Variants in KLHL32 observed in about 807,000 individuals in gnomAD.
The protein encoded by KLHL32 is kelch-like protein 32.
In KLHL32, 35 loss-of-function variants were observed where a neutral mutation model predicts 64.8. That is an observed-to-expected ratio of 0.54 (90% CI 0.41 to 0.72). KLHL32 has a LOEUF of 0.72. Among genes scored for constraint, KLHL32 ranks in the 30% least tolerant of loss-of-function variants. KLHL32 has a pLI of 0.00. For missense variants in KLHL32, 589 were observed against 768.5 expected (o/e 0.77, Z 2.76); for synonymous variants, 259 against 281.0 (o/e 0.92, Z 0.78).
chr6:97,125,328 T>C (rs1798762215), intron 7 of KLHL32, among the ~76,000 whole-genome samples: 1 of 152,166 alleles, frequency 6.6e-6, no homozygotes, highest in Non-Finnish European at 1.5e-5. Flanking sequence ...ACACTAATCC[T>C]CTGGATTCTT....
intron 1 of KLHL32, among the ~76,000 whole-genome samples, chr6:96,925,721 G>C (rs922127713): frequency 2.0e-5 from 3 of 152,166 alleles, no homozygotes; most frequent in African/African-American, 7.2e-5. Flanking sequence ...TTGTGAATTC[G>C]TAACGTAAGA....
chr6:96,902,619 T>C, the KLHL32 span, among the ~76,000 whole-genome samples: 1 of 152,186 alleles, frequency 6.6e-6, no homozygotes, highest in Non-Finnish European at 1.5e-5. Context: ...AATTTTTGTT[T>C]TTGTTGCAAT....
intron 6 of KLHL32, among the ~76,000 whole-genome samples, chr6:97,105,713 G>A (rs890091331): frequency 6.6e-6 from 1 of 152,052 alleles, no homozygotes. Context: ...TTCATGATGA[G>A]CTCTGTGATA....
chr6:96,918,406 ATTAG>A, the KLHL32 span, among the ~76,000 whole-genome samples: 3 of 152,200 alleles, frequency 2.0e-5, no homozygotes, highest in Admixed American at 2.0e-4. Flanking sequence ...CTTGGGAAAC[ATTAG>A]TTAAATTTGA....
intron 3 of KLHL32, among the ~76,000 whole-genome samples, chr6:97,040,681 C>T (rs951919770): frequency 2.0e-5 from 3 of 152,102 alleles, no homozygotes; most frequent in African/African-American, 4.8e-5. Flanking sequence ...TATCCCCACC[C>T]GAATCTCATC....
intron 3 of KLHL32, among the ~76,000 whole-genome samples, chr6:97,021,348 A>G (rs1391915916): frequency 6.6e-6 from 1 of 150,806 alleles, no homozygotes; most frequent in African/African-American, 2.5e-5. Context: ...AAAGCCTGAG[A>G]CCCAGGAGAG....
intron 6 of KLHL32, among the ~76,000 whole-genome samples, chr6:97,088,655 G>A (rs1282022319): frequency 6.6e-6 from 1 of 152,102 alleles, no homozygotes; most frequent in Non-Finnish European, 1.5e-5. Flanking sequence ...TTTGATTGTG[G>A]TAATCATTTC....
At chr6:96,999,351 G>A (rs1428412147) in intron 3 of KLHL32, among the ~76,000 whole-genome samples, 1 of 152,168 alleles carries the variant, frequency 6.6e-6, no homozygotes, top group African/African-American at 2.4e-5. Context: ...AGGCATGATT[G>A]TGCCACAGCA....
intron 6 of KLHL32, among the ~76,000 whole-genome samples, chr6:97,088,697 G>A: frequency 6.6e-6 from 1 of 152,006 alleles, no homozygotes; most frequent in East Asian, 1.9e-4. Context: ...TCATCATATT[G>A]TACACCTTGA....
intron 9 of KLHL32, 141 bp from the exon 10 acceptor site, chr6:97,132,512 C>T: frequency 1.6e-6 from 1 of 627,794 alleles, no homozygotes; most frequent in Non-Finnish European, 2.8e-6. Flanking sequence ...TACTGGGAGG[C>T]AGTGATTAGT....
intron 4 of KLHL32, among the ~76,000 whole-genome samples, chr6:97,059,291 A>G (rs1332561800): frequency 6.6e-6 from 1 of 152,224 alleles, no homozygotes; most frequent in East Asian, 1.9e-4. Context: ...TGTGGAGACT[A>G]GTAGATTACT....
At chr6:96,902,561 G>A in the KLHL32 span, among the ~76,000 whole-genome samples, 2 of 152,154 alleles carry the variant, frequency 1.3e-5, no homozygotes, top group Admixed American at 1.3e-4. Context: ...TCTGTTGATA[G>A]TTTCTTTTTT....
intron 6 of KLHL32, among the ~76,000 whole-genome samples, chr6:97,091,296 A>G (rs1794184687): frequency 6.6e-6 from 1 of 152,256 alleles, no homozygotes; most frequent in African/African-American, 2.4e-5. Context: ...TGAACAAATC[A>G]TGGCCTCTGT....
chr6:97,111,544 G>A (rs1797144521), intron 6 of KLHL32, among the ~76,000 whole-genome samples: 1 of 152,198 alleles, frequency 6.6e-6, no homozygotes. Flanking sequence ...TTGGGCACTG[G>A]CAGGAGCAAA....
intron 8 of KLHL32, among the ~76,000 whole-genome samples, chr6:97,129,122 C>G (rs532067339): frequency 5.3e-5 from 8 of 152,176 alleles, no homozygotes; most frequent in Non-Finnish European, 1.2e-4. Flanking sequence ...GCAAGCTTTT[C>G]AAGCTGTACA....
chr6:97,052,113 AG>A (rs1787009954), intron 4 of KLHL32, among the ~76,000 whole-genome samples: 3 of 152,230 alleles, frequency 2.0e-5, no homozygotes. Flanking sequence ...CATATGTAAA[AG>A]AACAAACGAA....
intron 3 of KLHL32, among the ~76,000 whole-genome samples, chr6:97,006,537 T>A (rs1779687983): frequency 6.6e-6 from 1 of 152,222 alleles, no homozygotes; most frequent in East Asian, 1.9e-4. Flanking sequence ...TGTGTGGGTT[T>A]GATCCTGTCA....
At chr6:96,981,395 T>C (rs1026288893) in intron 3 of KLHL32, among the ~76,000 whole-genome samples, 2 of 152,190 alleles carry the variant, frequency 1.3e-5, no homozygotes, top group East Asian at 3.8e-4. Flanking sequence ...AAGTTGGAAG[T>C]AATATTCCCT....
At chr6:97,012,628 C>A (rs1176775757) in intron 3 of KLHL32, among the ~76,000 whole-genome samples, 3 of 152,162 alleles carry the variant, frequency 2.0e-5, no homozygotes, top group Non-Finnish European at 2.9e-5. Context: ...CAGTTGCTAG[C>A]TGCAGTGAAT....
Sources: allele counts gnomAD v4.1 joint callset (sites outside exome capture counted in the v4.1 genomes callset), GRCh38; gene constraint gnomAD v4.1.1; transcripts MANE v1.5; gene names NCBI Gene and HGNC (gene_info 2026-07-23, HGNC 2026-07-21).